The following ERCC6 variants were observed in gnomAD, a reference collection of about 807,000 sequenced individuals.
The protein encoded by ERCC6 is ERCC excision repair 6, chromatin remodeling factor.
A neutral mutation model predicts 158.7 loss-of-function variants in ERCC6; 116 were observed. The observed-to-expected ratio is 0.73, with a 90% CI of 0.63 to 0.85. ERCC6 has a LOEUF of 0.85. ERCC6 is among the 40% of genes least tolerant of loss of function. The pLI, the probability that ERCC6 is intolerant of heterozygous loss-of-function variation, is 0.00. For missense variants in ERCC6, 1,698 were observed against 1,799.4 expected (o/e 0.94, Z 1.02); for synonymous variants, 678 against 659.3 (o/e 1.03, Z -0.43).
At chr10:49,513,215 G>A (rs186519141) in intron 5 of ERCC6, among the ~76,000 whole-genome samples, 3 of 152,228 alleles carry the variant, frequency 2.0e-5, no homozygotes, top group Admixed American at 6.5e-5. Flanking sequence ...AGAGCTACTC[G>A]GCTAGGCTCT....
chr10:49,495,866 C>T (rs565808141), intron 7 of ERCC6, among the ~76,000 whole-genome samples: 2 of 152,326 alleles, frequency 1.3e-5, no homozygotes, highest in East Asian at 3.9e-4. Context: ...GTTACTGCAT[C>T]TCCGAGGATG....
At position 49,493,106 on chromosome 10, in the gene ERCC6, T is replaced by C. The variant is rs1490479412; in HGVS notation, c.1821+11A>G. On this transcript the variant is annotated intron_variant, in intron 8 of 20. Transcript: ENST00000355832. ...AAAACAAAACAAAAAGGTACTGAAATATTGTGTTACCTTTTTGTGGGTATA... is the reference window on the plus strand; with the variant it reads ...AAAACAAAACAAAAAGGTACTGAAACATTGTGTTACCTTTTTGTGGGTATA... 1 of 1,613,778 alleles carries C rather than the reference T, an allele frequency of 6.2e-7. No individual in the cohort carries two copies. The highest frequency in any genetic ancestry group is 1.7e-5 in the Admixed American group (1 of 59,998).
chr10:49,520,467 G>C (rs1160466508), intron 5 of ERCC6, among the ~76,000 whole-genome samples: 1 of 152,180 alleles, frequency 6.6e-6, no homozygotes, highest in Non-Finnish European at 1.5e-5. Context: ...CCAGCAAGAA[G>C]AGACAAAAAC....
the ERCC6 span, among the ~76,000 whole-genome samples, chr10:49,435,070 A>T: frequency 6.6e-6 from 1 of 152,338 alleles, no homozygotes; most frequent in South Asian, 2.1e-4. Flanking sequence ...AAACAAGACA[A>T]AAAGCATTAT....
intron 18 of ERCC6, 83 bp downstream of exon 18, chr10:49,470,099 C>T (rs1850745589): frequency 8.4e-7 from 1 of 1,188,542 alleles, no homozygotes; most frequent in Admixed American, 1.7e-5. Flanking sequence ...TATGCACCAT[C>T]AGTTAAAGAC....
At chr10:49,515,850 G>T in intron 5 of ERCC6, 1 of 1,614,140 alleles carries the variant, frequency 6.2e-7, no homozygotes, top group Non-Finnish European at 8.5e-7. Flanking sequence ...ACCAGATGAG[G>T]CAACAGTGAC....
At chr10:49,506,074 A>G (rs1590441793) in intron 5 of ERCC6, 62 bp from the exon 6 acceptor site, 2 of 1,595,172 alleles carry the variant, frequency 1.3e-6, no homozygotes, top group East Asian at 4.5e-5. Flanking sequence ...TTAAAAAGAT[A>G]GCTCCTGATA....
intron 8 of ERCC6, chr10:49,488,373 A>C (rs116592706): frequency 6.5e-6 from 1 of 153,666 alleles, no homozygotes; most frequent in African/African-American, 2.4e-5. Flanking sequence ...GGCAGGATTT[A>C]CTGCACCTGT....
chr10:49,443,634 A>C, the ERCC6 span, among the ~76,000 whole-genome samples: 1 of 152,250 alleles, frequency 6.6e-6, no homozygotes, highest in African/African-American at 2.4e-5. Context: ...CAGTCCTCCA[A>C]GCTCCAGTCA....
intron 5 of ERCC6, among the ~76,000 whole-genome samples, chr10:49,517,856 T>G (rs1352598830): frequency 6.6e-6 from 1 of 152,200 alleles, no homozygotes; most frequent in African/African-American, 2.4e-5. Context: ...GCTTATTTCT[T>G]GAGAAAAATG....
chr10:49,468,017 T>G (rs1850707792), intron 18 of ERCC6, among the ~76,000 whole-genome samples: 1 of 152,216 alleles, frequency 6.6e-6, no homozygotes, highest in Non-Finnish European at 1.5e-5. Flanking sequence ...CCCCCTACTC[T>G]GTATCATACC....
intron 2 of ERCC6, 56 bp downstream of exon 2, chr10:49,532,487 A>C (rs999789515): frequency 4.4e-5 from 70 of 1,606,298 alleles, no homozygotes; most frequent in Non-Finnish European, 5.4e-5. Context: ...CATTACCTGA[A>C]TATCCCTGTC....
the ERCC6 span, among the ~76,000 whole-genome samples, chr10:49,442,166 G>A: frequency 6.6e-6 from 1 of 152,220 alleles, no homozygotes; most frequent in African/African-American, 2.4e-5. Flanking sequence ...TTAAACAAAT[G>A]CCTGGTTTTC....
At chr10:49,521,465 A>ATTT (rs1250730882) in intron 5 of ERCC6, among the ~76,000 whole-genome samples, 4 of 152,230 alleles carry the variant, frequency 2.6e-5, no homozygotes, top group African/African-American at 9.6e-5. Flanking sequence ...GCAGTAGTAT[A>ATTT]TTTTAAGAAA....
intron 13 of ERCC6, 24 bp downstream of exon 13, chr10:49,474,003 C>T (rs778957150): frequency 6.2e-7 from 1 of 1,604,970 alleles, no homozygotes; most frequent in Non-Finnish European, 8.5e-7. Context: ...CAGCCTGTTT[C>T]CCGTCTGAAG....
intron 5 of ERCC6, chr10:49,515,241 C>G: frequency 6.9e-7 from 1 of 1,450,304 alleles, no homozygotes; most frequent in South Asian, 1.6e-5. Flanking sequence ...TGTTATGTGA[C>G]GTTCCAAAAT....
chr10:49,488,568 C>T (rs1445063607), intron 8 of ERCC6, among the ~76,000 whole-genome samples: 1 of 151,572 alleles, frequency 6.6e-6, no homozygotes, highest in African/African-American at 2.4e-5. Context: ...TACCACTTTG[C>T]ATTCTATTAT....
chr10:49,492,569 T>C (rs1402547069), intron 8 of ERCC6, among the ~76,000 whole-genome samples: 1 of 152,204 alleles, frequency 6.6e-6, no homozygotes, highest in African/African-American at 2.4e-5. Flanking sequence ...AGCTCTTTTT[T>C]GATACTGTGA....
Position 49,493,099 on chromosome 10 carries a change from A to G in ERCC6, c.1821+18T>C. On this transcript the variant is annotated intron_variant, in intron 8 of 20. Coordinates refer to ENST00000355832, the MANE Select transcript of ERCC6 (RefSeq NM_000124.4). ...GGGCATTAAAACAAAACAAAAAGGTACTGAAATATTGTGTTACCTTTTTGT... is the reference window on the plus strand; with the variant it reads ...GGGCATTAAAACAAAACAAAAAGGTGCTGAAATATTGTGTTACCTTTTTGT... 2 of 1,613,618 alleles carry G rather than the reference A, an allele frequency of 1.2e-6. No individual in the cohort carries two copies. Among genetic ancestry groups the G allele is most frequent in the Non-Finnish European group, 8.5e-7 (1 of 1,179,622 alleles).
Sources: allele counts gnomAD v4.1 joint callset (sites outside exome capture counted in the v4.1 genomes callset), GRCh38; gene constraint gnomAD v4.1.1; transcripts MANE v1.5; gene names NCBI Gene and HGNC (gene_info 2026-07-23, HGNC 2026-07-21).